TNR: variants seen among roughly 807,000 people sequenced by gnomAD.
TNR encodes the protein tenascin-R.
A neutral mutation model predicts 150.4 loss-of-function variants in TNR; 45 were observed. That is an observed-to-expected ratio of 0.30 (90% CI 0.24 to 0.38). The LOEUF is 0.38. Among genes scored for constraint, TNR ranks in the 10% least tolerant of loss-of-function variants. The pLI is 1.00. For missense variants in TNR, 1,544 were observed against 1,759.1 expected (o/e 0.88, Z 2.19); for synonymous variants, 687 against 678.4 (o/e 1.01, Z -0.20).
intron 1 of TNR, among the ~76,000 whole-genome samples, chr1:175,567,047 T>C (rs16848662): frequency 0.047 from 7,112 of 152,248 alleles, 572 homozygotes; most frequent in African/African-American, 0.16. Flanking sequence ...TCCCTCAGCC[T>C]GAGTTGCATT....
chr1:175,603,346 C>T (rs368807339), intron 1 of TNR, among the ~76,000 whole-genome samples: 1 of 152,186 alleles, frequency 6.6e-6, no homozygotes, highest in South Asian at 2.1e-4. Flanking sequence ...CCAGGCATTC[C>T]TCCTCCCAAA....
At chr1:175,490,527 G>GA (rs1379120214) in intron 2 of TNR, among the ~76,000 whole-genome samples, 7 of 152,008 alleles carry the variant, frequency 4.6e-5, no homozygotes, top group Admixed American at 2.0e-4. Flanking sequence ...AAATTTACAA[G>GA]AAAAAACCAA....
intron 2 of TNR, among the ~76,000 whole-genome samples, chr1:175,457,124 A>C (rs925512903): frequency 2.0e-5 from 3 of 152,222 alleles, no homozygotes; most frequent in Admixed American, 2.0e-4. Context: ...ATTAAAAATA[A>C]AACTTCTATT....
chr1:175,592,055 T>C (rs1662821371), intron 1 of TNR, among the ~76,000 whole-genome samples: 1 of 152,214 alleles, frequency 6.6e-6, no homozygotes, highest in Non-Finnish European at 1.5e-5. Context: ...AGAGTTTTTT[T>C]ACTGCAGCAT....
Position 175,323,413 on chromosome 1 carries a change from G to A in TNR, c.4021C>T (p.Arg1341Cys). Reference sequence around the variant, plus strand: ...GCCATGAGACGGTGGTTGTAGGGGCGCATCTTCATTTCCACAAAGGGGATG... The same window carrying A: ...GCCATGAGACGGTGGTTGTAGGGGCACATCTTCATTTCCACAAAGGGGATG... Reference protein sequence around the residue: ...FSIPFVEMKMRPYNHRLMAGR... With the variant: ...FSIPFVEMKMCPYNHRLMAGR... Residue 1341 changes from arginine (R) to cysteine (C), a missense_variant, in exon 23 of 23, where the codon CGC becomes TGC. By Grantham distance (180) the Arg-to-Cys change is radical. This residue lies in a region of TNR where 290 missense variants were observed against 429.7 expected (regional missense o/e 0.67). Coordinates refer to ENST00000367674, the MANE Select transcript of TNR (RefSeq NM_003285.3). 1 of 1,614,000 alleles carries A rather than the reference G, an allele frequency of 6.2e-7. No individual in the cohort carries two copies. The highest frequency in any genetic ancestry group is 8.5e-7 in the Non-Finnish European group (1 of 1,179,948).
chr1:175,455,176 TC>T (rs1656512307), intron 2 of TNR, among the ~76,000 whole-genome samples: 1 of 152,166 alleles, frequency 6.6e-6, no homozygotes, highest in Non-Finnish European at 1.5e-5. Flanking sequence ...GATCCTCCGG[TC>T]CCCAAGAGCC....
chr1:175,396,912 G>T, intron 4 of TNR, 105 bp from the exon 5 acceptor site: 1 of 1,429,244 alleles, frequency 7.0e-7, no homozygotes, highest in Non-Finnish European at 9.5e-7. Context: ...ATGTCTATAT[G>T]TCCTGCTGGG....
intron 2 of TNR, among the ~76,000 whole-genome samples, chr1:175,497,096 A>G (rs1443976218): frequency 3.3e-5 from 5 of 152,246 alleles, no homozygotes; most frequent in Non-Finnish European, 7.3e-5. Flanking sequence ...TACTAATTGC[A>G]TGGCTGTCTA....
chr1:175,391,025 C>A (rs1653142498), intron 7 of TNR, among the ~76,000 whole-genome samples: 1 of 152,124 alleles, frequency 6.6e-6, no homozygotes, highest in African/African-American at 2.4e-5. Context: ...TGAGTAAGAT[C>A]AGCATAAATA....
intron 2 of TNR, among the ~76,000 whole-genome samples, chr1:175,479,269 G>A (rs923423369): frequency 2.0e-5 from 3 of 152,152 alleles, no homozygotes; most frequent in Admixed American, 6.5e-5. Context: ...GTCTAACTCT[G>A]GTTTCCTTGA....
chr1:175,742,826 G>T lies in TNR; in HGVS notation c.-165+400C>A, dbSNP rs531210957. 9.2e-5 allele frequency among the ~76,000 whole-genome samples: 14 copies of T among 152,174 alleles called. No homozygotes were observed. The East Asian group carries it at 2.3e-3, about 25-fold the overall frequency. On this transcript the variant is annotated intron_variant, in intron 1 of 22. Transcript: ENST00000367674. ...TCTTTCCCACCATGGATGGCTTGTC[G>T]GGAGAGAGTTAAAGAAGGTGCACGA...
At chr1:175,419,242 C>G (rs1424534847) in intron 2 of TNR, among the ~76,000 whole-genome samples, 1 of 152,152 alleles carries the variant, frequency 6.6e-6, no homozygotes, top group Non-Finnish European at 1.5e-5. Context: ...CTTTTATTAA[C>G]TGCTAAATTT....
intron 1 of TNR, among the ~76,000 whole-genome samples, chr1:175,654,460 C>T (rs955529276): frequency 3.9e-5 from 6 of 152,140 alleles, no homozygotes; most frequent in African/African-American, 7.2e-5. Flanking sequence ...GGTAACATCG[C>T]GCTCTCCCAT....
At chr1:175,385,454 T>C (rs1435342241) in intron 8 of TNR, among the ~76,000 whole-genome samples, 2 of 152,204 alleles carry the variant, frequency 1.3e-5, no homozygotes, top group Non-Finnish European at 2.9e-5. Flanking sequence ...ACTTCCTGTC[T>C]GTGGGAGTCA....
chr1:175,471,582 T>G (rs1657293387), intron 2 of TNR, among the ~76,000 whole-genome samples: 1 of 152,144 alleles, frequency 6.6e-6, no homozygotes, highest in East Asian at 1.9e-4. Flanking sequence ...ATAAAGGATT[T>G]AAAAAATGGT....
chr1:175,573,172 G>T (rs1661955044), intron 1 of TNR, among the ~76,000 whole-genome samples: 1 of 152,220 alleles, frequency 6.6e-6, no homozygotes, highest in African/African-American at 2.4e-5. Context: ...ACAAGTGTGT[G>T]TGTACACCCT....
chr1:175,667,917 C>G (rs769655874), intron 1 of TNR, among the ~76,000 whole-genome samples: 1 of 152,214 alleles, frequency 6.6e-6, no homozygotes, highest in East Asian at 1.9e-4. Flanking sequence ...CAAAGAGACA[C>G]AATCTACTCA....
At chr1:175,432,612 C>G (rs756681910) in intron 2 of TNR, among the ~76,000 whole-genome samples, 1 of 152,014 alleles carries the variant, frequency 6.6e-6, no homozygotes, top group African/African-American at 2.4e-5. Context: ...TCTGCTCCAT[C>G]TTTCCTTTCT....
intron 2 of TNR, among the ~76,000 whole-genome samples, chr1:175,465,953 C>T (rs183835127): frequency 1.3e-4 from 20 of 152,272 alleles, no homozygotes; most frequent in African/African-American, 4.8e-4. Context: ...ATTTTCATAC[C>T]CTAAATCTGT....
Sources: allele counts gnomAD v4.1 joint callset (sites outside exome capture counted in the v4.1 genomes callset), GRCh38; gene constraint gnomAD v4.1.1; regional missense constraint gnomAD v4.1.1; transcripts MANE v1.5; gene names NCBI Gene and HGNC (gene_info 2026-07-23, HGNC 2026-07-21).